RALYL: variants seen among roughly 807,000 people sequenced by gnomAD.
RALYL encodes RALY RNA binding protein like.
In RALYL, 29 loss-of-function variants were observed where a neutral mutation model predicts 35.1. The ratio of observed to expected loss-of-function variants is 0.83; its 90% CI spans 0.61 to 1.13. The LOEUF is 1.13. Ranked by LOEUF, RALYL falls within the 50% of genes most tolerant of loss-of-function variation. The pLI is 0.00. For missense variants in RALYL, 359 were observed against 360.4 expected (o/e 1.00, Z 0.03); for synonymous variants, 120 against 127.6 (o/e 0.94, Z 0.40).
intron 2 of RALYL, among the ~76,000 whole-genome samples, chr8:84,740,469 C>T (rs1233412985): frequency 6.6e-6 from 1 of 151,840 alleles, no homozygotes; most frequent in Non-Finnish European, 1.5e-5. Context: ...TCCCTTTTTC[C>T]TAATCTTTAG....
At chr8:84,260,443 T>G (rs1832048620) in intron 1 of RALYL, among the ~76,000 whole-genome samples, 1 of 152,080 alleles carries the variant, frequency 6.6e-6, no homozygotes, top group African/African-American at 2.4e-5. Context: ...TTAGTTCTCC[T>G]CTATGTGGCC....
At chr8:84,282,735 TA>T (rs1244750160) in intron 1 of RALYL, among the ~76,000 whole-genome samples, 52 of 113,234 alleles carry the variant, frequency 4.6e-4, no homozygotes, top group Non-Finnish European at 3.6e-5. Flanking sequence ...TATGTATCTA[TA>T]TATGTGTATG....
chr8:84,194,446 A>G (rs1357794217), intron 1 of RALYL, among the ~76,000 whole-genome samples: 2 of 152,234 alleles, frequency 1.3e-5, no homozygotes, highest in African/African-American at 4.8e-5. Context: ...TCTTGCTTAC[A>G]TTTGAAAAGA....
chr8:84,379,724 T>C lies in RALYL; in HGVS notation c.-23-149575T>C, dbSNP rs1239058322. The stretch of plus-strand genomic sequence containing the variant: ...GATAAAATGTAAAAGCATCCAAACA[T>C]ATAGAAGTGCAAACAAGAGAATAAT... On this transcript the variant is annotated intron_variant, in intron 1 of 8. Transcript: ENST00000521268. 2.6e-5 allele frequency among the ~76,000 whole-genome samples: 4 copies of C among 151,588 alleles called. No homozygotes were observed. In the East Asian group the frequency reaches 5.9e-4, roughly 22 times the overall value.
intron 1 of RALYL, among the ~76,000 whole-genome samples, chr8:84,244,172 T>G (rs1345933900): frequency 6.6e-6 from 1 of 152,190 alleles, no homozygotes; most frequent in African/African-American, 2.4e-5. Flanking sequence ...AATTTTCCAG[T>G]AATCCTATGA....
At chr8:84,216,000 G>T (rs1586247841) in intron 1 of RALYL, among the ~76,000 whole-genome samples, 1 of 152,166 alleles carries the variant, frequency 6.6e-6, no homozygotes, top group East Asian at 1.9e-4. Context: ...TATAGTCCCA[G>T]AGTAACATTT....
intron 2 of RALYL, 72 bp from the exon 3 acceptor site, chr8:84,774,507 A>C: frequency 1.0e-6 from 1 of 969,712 alleles, no homozygotes; most frequent in Middle Eastern, 2.1e-4. Context: ...AGAAAAATAA[A>C]AGTTCATGAT....
At chr8:84,453,079 T>C (rs2133226569) in intron 1 of RALYL, among the ~76,000 whole-genome samples, 1 of 152,100 alleles carries the variant, frequency 6.6e-6, no homozygotes, top group African/African-American at 2.4e-5. Context: ...CTAAGAATTC[T>C]CTTCATAATT....
rs182653196 is a variant in RALYL at position 84,712,107 on chromosome 8, T to C, written c.257-62472T>C. Reference sequence around the variant, plus strand: ...TTGATTTCTCTATTATTGATGCTTGTAGGGAATTCTGGTATGATATATGCA... The same window carrying C: ...TTGATTTCTCTATTATTGATGCTTGCAGGGAATTCTGGTATGATATATGCA... On this transcript the variant is annotated intron_variant, in intron 2 of 8. Transcript: ENST00000521268. Among the ~76,000 whole-genome samples the C allele has an allele frequency of 6.4e-4, 98 of 152,278 alleles. 1 individual carries two copies. The highest frequency in any genetic ancestry group is 2.4e-3 in the Admixed American group (36 of 15,276).
chr8:84,419,580 T>C (rs958458664), intron 1 of RALYL, among the ~76,000 whole-genome samples: 3 of 151,750 alleles, frequency 2.0e-5, no homozygotes, highest in East Asian at 3.9e-4. Flanking sequence ...AGTTTTAGGG[T>C]ACATGTGCAC....
At chr8:84,521,272 T>G (rs2134670792) in intron 1 of RALYL, among the ~76,000 whole-genome samples, 1 of 152,324 alleles carries the variant, frequency 6.6e-6, no homozygotes, top group Admixed American at 6.5e-5. Context: ...AAGAGAGCTG[T>G]CACCAGAACC....
At chr8:84,540,337 GTA>G (rs1056171035) in intron 2 of RALYL, among the ~76,000 whole-genome samples, 5 of 151,576 alleles carry the variant, frequency 3.3e-5, no homozygotes, top group African/African-American at 1.2e-4. Context: ...GTGTGTGTGT[GTA>G]TGTGTAAACT....
intron 2 of RALYL, among the ~76,000 whole-genome samples, chr8:84,644,688 T>C (rs763357593): frequency 6.6e-5 from 10 of 152,026 alleles, no homozygotes; most frequent in Non-Finnish European, 1.0e-4. Context: ...CTTTGCTCAT[T>C]CCTTTATGTT....
At chr8:84,491,525 C>T (rs2055303237) in intron 1 of RALYL, among the ~76,000 whole-genome samples, 1 of 151,904 alleles carries the variant, frequency 6.6e-6, no homozygotes, top group African/African-American at 2.4e-5. Flanking sequence ...CTTTTTCATG[C>T]CATGTAATTG....
intron 2 of RALYL, among the ~76,000 whole-genome samples, chr8:84,577,573 TC>T (rs1169945464): frequency 1.3e-5 from 2 of 152,220 alleles, no homozygotes; most frequent in African/African-American, 4.8e-5. Flanking sequence ...TAACTTTTAA[TC>T]CCTTTACTTT....
In RALYL at chr8:84,212,461, G is replaced by A. The variant is rs540544042; in HGVS notation, c.-24+28037G>A. 1.3e-4 allele frequency among the ~76,000 whole-genome samples: 20 copies of A among 152,174 alleles called. No individual in the cohort carries two copies. In the South Asian group the frequency reaches 3.9e-3, roughly 30 times the overall value. ...TTTATTTTAAAAAATTATTCATAGA[G>A]ACATGTAATAAGTAACATGAAATCA... On this transcript the variant is annotated intron_variant, in intron 1 of 8. Coordinates refer to ENST00000521268, the MANE Select transcript of RALYL (RefSeq NM_173848.7).
chr8:84,222,239 C>G (rs1484246001), intron 1 of RALYL, among the ~76,000 whole-genome samples: 4 of 152,024 alleles, frequency 2.6e-5, no homozygotes, highest in Non-Finnish European at 4.4e-5. Flanking sequence ...TGAAATTAAT[C>G]CATATAGACT....
At chr8:84,869,551 G>A (rs997011621) in intron 6 of RALYL, among the ~76,000 whole-genome samples, 1 of 152,120 alleles carries the variant, frequency 6.6e-6, no homozygotes, top group Non-Finnish European at 1.5e-5. Flanking sequence ...GGCATTTGGG[G>A]TCAGATAATT....
At chr8:84,661,012 T>A (rs1014953268) in intron 2 of RALYL, among the ~76,000 whole-genome samples, 1 of 152,124 alleles carries the variant, frequency 6.6e-6, no homozygotes, top group Non-Finnish European at 1.5e-5. Context: ...CACTGCAAGC[T>A]CTGCCTCCCG....
Sources: allele counts gnomAD v4.1 joint callset (sites outside exome capture counted in the v4.1 genomes callset), GRCh38; gene constraint gnomAD v4.1.1; transcripts MANE v1.5; gene names NCBI Gene and HGNC (gene_info 2026-07-23, HGNC 2026-07-21).